The following LUC7L variants were observed in gnomAD, a reference collection of about 807,000 sequenced individuals.
LUC7L encodes the protein putative RNA-binding protein Luc7-like 1.
In LUC7L, 29 loss-of-function variants were observed where a neutral mutation model predicts 51.1. The ratio of observed to expected loss-of-function variants is 0.57; its 90% CI spans 0.42 to 0.77. The LOEUF is 0.77. Among genes scored for constraint, LUC7L ranks in the 30% least tolerant of loss-of-function variants. The pLI is 0.00. For synonymous variants in LUC7L, 181 were observed against 180.7 expected, an observed-to-expected ratio of 1.00 and a Z score of -0.01; for missense variants, 403 against 511.9, an observed-to-expected ratio of 0.79 and a Z score of 2.05.
chr16:229,355 C>T lies in LUC7L; in HGVS notation c.-16G>A. 1 of 1,493,140 alleles carries T rather than the reference C, an allele frequency of 6.7e-7. No individual in the cohort carries two copies. Among genetic ancestry groups the T allele is most frequent in the African/African-American group, 1.4e-5 (1 of 69,316 alleles). 92.5% of individuals were successfully genotyped at this position (1,493,140 alleles called of 1,614,324 possible). Reference sequence around the variant, plus strand: ...GGGCGGACATGGTAGCCGGCGGAGGCGACGGGGTCGGCCGCGACGACTTCT... The same window carrying T: ...GGGCGGACATGGTAGCCGGCGGAGGTGACGGGGTCGGCCGCGACGACTTCT... On this transcript the variant is annotated 5_prime_UTR_variant, in exon 1 of 10. Transcript: ENST00000293872.
intron 3 of LUC7L, among the ~76,000 whole-genome samples, chr16:216,921 C>T (rs2049818471): frequency 6.6e-6 from 1 of 152,150 alleles, no homozygotes; most frequent in African/African-American, 2.4e-5. Context: ...GTCTTGAACT[C>T]CCGGGCTCAA....
intron 3 of LUC7L, chr16:208,602 G>C: frequency 1.0e-6 from 1 of 1,000,708 alleles, no homozygotes; most frequent in Non-Finnish European, 1.2e-6. Flanking sequence ...TGTACTCACT[G>C]GTCTTTGTGA....
chr16:217,659 A>T (rs1003666039), intron 3 of LUC7L, among the ~76,000 whole-genome samples: 4 of 150,644 alleles, frequency 2.7e-5, no homozygotes, highest in Non-Finnish European at 5.9e-5. Context: ...GTGGGCCGAG[A>T]TCACACCACT....
At chr16:212,959 TAG>T (rs1038671778) in intron 3 of LUC7L, among the ~76,000 whole-genome samples, 3 of 152,096 alleles carry the variant, frequency 2.0e-5, no homozygotes, top group African/African-American at 7.2e-5. Context: ...TCTGATTTTG[TAG>T]AGACTTTGCC....
intron 5 of LUC7L, among the ~76,000 whole-genome samples, chr16:201,674 C>CAG (rs1466088028): frequency 6.3e-4 from 94 of 150,088 alleles, no homozygotes; most frequent in Non-Finnish European, 9.5e-4. Context: ...CTCCTGACCT[C>CAG]GTGATCCACC....
intron 2 of LUC7L, among the ~76,000 whole-genome samples, chr16:224,618 T>G (rs181239607): frequency 0.011 from 1,726 of 151,390 alleles, 16 homozygotes; most frequent in Middle Eastern, 0.024. Context: ...TCACCTGAAG[T>G]CAGGAGTTTG....
At chr16:220,529 C>A in intron 3 of LUC7L, 120 bp downstream of exon 3, 1 of 736,462 alleles carries the variant, frequency 1.4e-6, no homozygotes. Flanking sequence ...GCTTGAGTGG[C>A]AGGATAACAA....
intron 6 of LUC7L, among the ~76,000 whole-genome samples, chr16:197,914 G>A (rs184421437): frequency 1.5e-3 from 222 of 152,264 alleles, no homozygotes; most frequent in African/African-American, 5.2e-3. Flanking sequence ...AGTGTGAAGG[G>A]AGACAATTCA....
intron 3 of LUC7L, among the ~76,000 whole-genome samples, chr16:215,319 A>G (rs1282347966): frequency 6.6e-6 from 1 of 151,678 alleles, no homozygotes; most frequent in East Asian, 1.9e-4. Flanking sequence ...AACCCTGCCT[A>G]CTGAAAATAC....
chr16:229,023 A>T, intron 1 of LUC7L: 1 of 1,450,172 alleles, frequency 6.9e-7, no homozygotes, highest in Non-Finnish European at 9.1e-7. Flanking sequence ...AAGTAGCAGG[A>T]CGGTACATAG....
intron 1 of LUC7L, chr16:228,778 G>C: frequency 7.8e-7 from 1 of 1,284,480 alleles, no homozygotes; most frequent in Non-Finnish European, 1.0e-6. Flanking sequence ...AAAGTACTTG[G>C]CAGAAACCCA....
In LUC7L at chr16:200,285, G is replaced by A. The variant is rs140145199; in HGVS notation, c.511-1047C>T. ...AAAAAACAGAAAAAATTAGCTGGGC[G>A]TGGTGGCGGGCGCCTGTAGTCCCAG... On this transcript the variant is annotated intron_variant, in intron 5 of 9. Coordinates refer to ENST00000293872, the MANE Select transcript of LUC7L (RefSeq NM_201412.3). Among the ~76,000 whole-genome samples the A allele has an allele frequency of 1.7e-3, 259 of 152,162 alleles. 6 individuals are homozygous for A. In the East Asian group the frequency reaches 0.042, roughly 25 times the overall value.
At chr16:191,924 G>A (rs1472508791) in intron 7 of LUC7L, among the ~76,000 whole-genome samples, 2 of 152,110 alleles carry the variant, frequency 1.3e-5, no homozygotes, top group Non-Finnish European at 2.9e-5. Context: ...AACCTTCCTG[G>A]ACAATGAGCT....
In LUC7L at chr16:208,094, G is replaced by A. The variant is rs1023752862; in HGVS notation, c.350C>T (p.Ala117Val). 3.7e-6 allele frequency: 6 copies of A among 1,612,696 alleles called. No homozygotes were observed. The highest frequency in any genetic ancestry group is 4.2e-6 in the Non-Finnish European group (5 of 1,179,422). ...CAAGCATACCTTTGCAGAAACTTCC[G>A]CACTGATTTCCTCCTGTGTTTCTGC... Reference protein sequence around the residue: ...RLAETQEEISAEVSAKAEKVH... With the variant: ...RLAETQEEISVEVSAKAEKVH... Residue 117 changes from alanine to valine, a missense_variant, in exon 4 of 10, where the codon GCG becomes GTG. Coordinates refer to ENST00000293872, the MANE Select transcript of LUC7L (RefSeq NM_201412.3).
chr16:189,184 C>G lies in LUC7L; in HGVS notation c.*14G>C, dbSNP rs758214468. ...AACGTTTATCAGACTATTTACAGCA[C>G]CCGGGAGACGGGTTCAGATCTCGCC... On this transcript the variant is annotated 3_prime_UTR_variant, in exon 10 of 10. Coordinates refer to ENST00000293872, the MANE Select transcript of LUC7L (RefSeq NM_201412.3). 4 of 1,609,438 alleles carry G rather than the reference C, an allele frequency of 2.5e-6. No individual in the cohort carries two copies. Among genetic ancestry groups the G allele is most frequent in the Non-Finnish European group, 3.4e-6 (4 of 1,177,074 alleles).
chr16:191,707 T>G (rs1206164895), intron 7 of LUC7L, among the ~76,000 whole-genome samples: 1 of 152,050 alleles, frequency 6.6e-6, no homozygotes, highest in Non-Finnish European at 1.5e-5. Flanking sequence ...TAGCTGGGCG[T>G]GATGGCACAG....
At chr16:204,341 A>C (rs1227133199) in intron 5 of LUC7L, among the ~76,000 whole-genome samples, 1 of 151,976 alleles carries the variant, frequency 6.6e-6, no homozygotes, top group African/African-American at 2.4e-5. Flanking sequence ...TCACTCCTGT[A>C]ATCCCAGCAG....
At chr16:194,761 G>A (rs1225563513) in intron 6 of LUC7L, among the ~76,000 whole-genome samples, 1 of 152,172 alleles carries the variant, frequency 6.6e-6, no homozygotes, top group Non-Finnish European at 1.5e-5. Flanking sequence ...ATAAGGGGAT[G>A]AGAAACCTCG....
intron 3 of LUC7L, among the ~76,000 whole-genome samples, chr16:218,266 T>C (rs529667554): frequency 6.6e-6 from 1 of 152,120 alleles, no homozygotes; most frequent in African/African-American, 2.4e-5. Flanking sequence ...ACCCTTTCCC[T>C]TGGGTTTTAT....
Sources: allele counts gnomAD v4.1 joint callset (sites outside exome capture counted in the v4.1 genomes callset), GRCh38; gene constraint gnomAD v4.1.1; transcripts MANE v1.5; gene names NCBI Gene and HGNC (gene_info 2026-07-23, HGNC 2026-07-21).